Variants in NPAS3 observed in about 807,000 individuals in gnomAD.
NPAS3 encodes the protein neuronal PAS domain protein 3.
NPAS3 carries 14 observed loss-of-function variants against 73.1 expected under a neutral mutation model. The ratio of observed to expected loss-of-function variants is 0.19; its 90% CI spans 0.13 to 0.30. The LOEUF is 0.30. Ranked by LOEUF, NPAS3 falls within the 10% of genes least tolerant of loss-of-function variation. The pLI is 1.00. For missense variants in NPAS3, 1,096 were observed against 1,250.0 expected (o/e 0.88, Z 1.86); for synonymous variants, 620 against 541.5 (o/e 1.14, Z -2.01).
intron 7 of NPAS3, among the ~76,000 whole-genome samples, chr14:33,744,698 G>T (rs1296665075): frequency 6.6e-6 from 1 of 152,146 alleles, no homozygotes; most frequent in Non-Finnish European, 1.5e-5. Flanking sequence ...GCTGAGGCAG[G>T]AGGACTGCTT....
chr14:33,111,516 C>G (rs886735187), intron 2 of NPAS3, among the ~76,000 whole-genome samples: 2 of 152,108 alleles, frequency 1.3e-5, no homozygotes, highest in African/African-American at 4.8e-5. Flanking sequence ...TCCCCAGGAA[C>G]TCTATTCCAT....
chr14:33,397,741 A>G (rs1348149043), intron 4 of NPAS3, among the ~76,000 whole-genome samples: 1 of 152,102 alleles, frequency 6.6e-6, no homozygotes, highest in Non-Finnish European at 1.5e-5. Flanking sequence ...TCTAAACTAC[A>G]GTGTCCTAGC....
intron 3 of NPAS3, among the ~76,000 whole-genome samples, chr14:33,265,559 C>T (rs1301199037): frequency 6.6e-6 from 1 of 152,060 alleles, no homozygotes; most frequent in African/African-American, 2.4e-5. Flanking sequence ...ATAAATTAGG[C>T]TCTGTCTTAT....
intron 3 of NPAS3, among the ~76,000 whole-genome samples, chr14:33,270,841 AAC>A (rs1318984956): frequency 3.5e-4 from 53 of 152,304 alleles, no homozygotes; most frequent in African/African-American, 1.3e-3. Flanking sequence ...TTGAGAAGTG[AAC>A]ACCTTTCTGG....
intron 3 of NPAS3, among the ~76,000 whole-genome samples, chr14:33,338,000 A>G (rs997387040): frequency 3.3e-5 from 5 of 150,894 alleles, no homozygotes; most frequent in Non-Finnish European, 5.9e-5. Context: ...TTTTTAATGT[A>G]TAGGAGCATG....
At chr14:33,467,352 TTCTC>T (rs923293776) in intron 4 of NPAS3, among the ~76,000 whole-genome samples, 17 of 152,220 alleles carry the variant, frequency 1.1e-4, no homozygotes, top group Admixed American at 1.1e-3. Context: ...TAAAAGAGCT[TTCTC>T]TCTCTCTTTG....
chr14:33,080,327 C>G (rs2041826039), intron 2 of NPAS3, among the ~76,000 whole-genome samples: 1 of 152,020 alleles, frequency 6.6e-6, no homozygotes, highest in South Asian at 2.1e-4. Flanking sequence ...AGGATGGTCT[C>G]AATCTCCTGA....
intron 7 of NPAS3, among the ~76,000 whole-genome samples, chr14:33,737,222 G>A (rs542751151): frequency 2.0e-3 from 309 of 152,266 alleles, no homozygotes; most frequent in Non-Finnish European, 4.0e-3. Flanking sequence ...CTTTAAATAG[G>A]AAGATTATAA....
intron 7 of NPAS3, among the ~76,000 whole-genome samples, chr14:33,767,751 T>C (rs1011763650): frequency 1.3e-5 from 2 of 152,188 alleles, no homozygotes; most frequent in Non-Finnish European, 2.9e-5. Flanking sequence ...AGAACTGAGA[T>C]TTATTCCTAA....
intron 2 of NPAS3, among the ~76,000 whole-genome samples, chr14:33,136,092 G>A (rs61196283): frequency 0.014 from 1,828 of 131,422 alleles, 40 homozygotes; most frequent in African/African-American, 0.048. Context: ...ACAGAGTCTC[G>A]CTCTGTTACT....
intron 5 of NPAS3, among the ~76,000 whole-genome samples, chr14:33,663,026 A>G (rs1442184903): frequency 6.6e-6 from 1 of 151,986 alleles, no homozygotes; most frequent in Non-Finnish European, 1.5e-5. Flanking sequence ...ATCTGCAAAC[A>G]GACAATATGA....
intron 7 of NPAS3, among the ~76,000 whole-genome samples, chr14:33,769,749 TTTTTTTC>T (rs1438833011): frequency 7.9e-5 from 10 of 126,404 alleles, no homozygotes; most frequent in East Asian, 2.3e-4. Flanking sequence ...ACTTGGATTT[TTTTTTTC>T]TTTTTTTTTT....
intron 1 of NPAS3, among the ~76,000 whole-genome samples, chr14:32,971,088 C>CT (rs61429455): frequency 0.68 from 97,186 of 142,176 alleles, 33,790 homozygotes; most frequent in Middle Eastern, 0.82. Flanking sequence ...TTTCTTTTTT[C>CT]TTTTTTTTTT....
chr14:33,584,827 A>G (rs11846268), intron 5 of NPAS3, among the ~76,000 whole-genome samples: 1,790 of 152,284 alleles, frequency 0.012, 36 homozygotes, highest in African/African-American at 0.04. Flanking sequence ...AAAAGTTAAC[A>G]CTTACTGAGG....
intron 3 of NPAS3, among the ~76,000 whole-genome samples, chr14:33,273,065 G>A (rs1244630952): frequency 4.6e-5 from 7 of 152,040 alleles, no homozygotes; most frequent in African/African-American, 1.7e-4. Context: ...GGTCCCTGAC[G>A]GTCCATGTGT....
At chr14:33,659,986 C>T (rs1398345241) in intron 5 of NPAS3, among the ~76,000 whole-genome samples, 3 of 152,136 alleles carry the variant, frequency 2.0e-5, no homozygotes, top group African/African-American at 7.2e-5. Context: ...CCCCCCAGGA[C>T]CACTCTCCTG....
intron 4 of NPAS3, among the ~76,000 whole-genome samples, chr14:33,439,515 T>C (rs142981123): frequency 6.2e-4 from 95 of 152,322 alleles, no homozygotes; most frequent in Non-Finnish European, 5.9e-5. Flanking sequence ...TTTGGAATTG[T>C]GGCCATACCC....
intron 5 of NPAS3, among the ~76,000 whole-genome samples, chr14:33,572,474 G>A (rs1467058726): frequency 6.6e-6 from 1 of 152,076 alleles, no homozygotes; most frequent in Non-Finnish European, 1.5e-5. Flanking sequence ...ACGATTGTTA[G>A]GTACAATGAC....
chr14:33,771,151 A>G (rs1357211732), intron 7 of NPAS3, among the ~76,000 whole-genome samples: 1 of 152,246 alleles, frequency 6.6e-6, no homozygotes, highest in Non-Finnish European at 1.5e-5. Context: ...GTTTGGATAC[A>G]TGCTGTCAGA....
Sources: allele counts gnomAD v4.1 joint callset (sites outside exome capture counted in the v4.1 genomes callset), GRCh38; gene constraint gnomAD v4.1.1; transcripts MANE v1.5; gene names NCBI Gene and HGNC (gene_info 2026-07-23, HGNC 2026-07-21).